ATP1A4: variants seen among roughly 807,000 people sequenced by gnomAD.
ATP1A4 encodes the protein ATPase Na+/K+ transporting subunit alpha 4, also known as sodium/potassium-transporting ATPase subunit alpha-4.
A neutral mutation model predicts 114.3 loss-of-function variants in ATP1A4; 90 were observed. That is an observed-to-expected ratio of 0.79 (90% confidence interval 0.66 to 0.94). The LOEUF (loss-of-function observed/expected upper bound fraction) is 0.94, where lower values mean the gene tolerates loss of function less well. Among genes scored for constraint, ATP1A4 ranks in the 40% least tolerant of loss-of-function variants. ATP1A4 has a pLI of 0.00. For missense variants in ATP1A4, 1,222 were observed against 1,313.6 expected (o/e 0.93, Z 1.08); for synonymous variants, 511 against 494.1 (o/e 1.03, Z -0.45).
chr1:160,172,645 C>A (rs1267982695), intron 12 of ATP1A4, among the ~76,000 whole-genome samples: 1 of 152,162 alleles, frequency 6.6e-6, no homozygotes, highest in Non-Finnish European at 1.5e-5. Context: ...AGACACCTTC[C>A]GTGCTCATAC....
chr1:160,156,867 G>T (rs1024635225), intron 4 of ATP1A4, among the ~76,000 whole-genome samples: 3 of 152,252 alleles, frequency 2.0e-5, no homozygotes, highest in East Asian at 1.9e-4. Flanking sequence ...AATCCCAACC[G>T]TTTGGGGGAC....
rs1191503524 is a variant in ATP1A4 at position 160,156,047 on chromosome 1, C to G, written c.414C>G (p.Leu138=). Residue 138 remains leucine, a splice_region_variant and synonymous_variant, in exon 4 of 22, where the codon CTC becomes CTG. Transcript: ENST00000368081. ...YFNEEPTKDN[L]YLSIVLSVVV... ...ACGCTTTCTTTCCCCACCCTCAGCT[C>G]TACCTGAGCATCGTACTGTCCGTCG... 3.7e-6 allele frequency: 6 copies of G among 1,604,880 alleles called. No individual in the cohort carries two copies. The Admixed American group carries it at 8.3e-5, about 22-fold the overall frequency.
chr1:160,157,116 A>C (rs1479163954), intron 4 of ATP1A4, among the ~76,000 whole-genome samples: 2 of 152,194 alleles, frequency 1.3e-5, no homozygotes, highest in Non-Finnish European at 2.9e-5. Context: ...GTGGCAACTA[A>C]ATGCAATATC....
At chr1:160,174,002 G>T in intron 13 of ATP1A4, 109 bp from the exon 14 acceptor site, 1 of 1,346,646 alleles carries the variant, frequency 7.4e-7, no homozygotes, top group Non-Finnish European at 1.0e-6. Flanking sequence ...GACAAGTGAG[G>T]AGACTAGGTT....
intron 20 of ATP1A4, chr1:160,183,454 G>A (rs914480505): frequency 2.0e-5 from 3 of 152,262 alleles, no homozygotes; most frequent in African/African-American, 7.2e-5. Flanking sequence ...TATTCTGTGT[G>A]TGTGTGTGTT....
rs542323609 is a variant in ATP1A4 at position 160,161,838 on chromosome 1, T to C, written c.778+2312T>C. On this transcript the variant is annotated intron_variant, in intron 6 of 21. Transcript: ENST00000368081. Reference sequence around the variant, plus strand: ...GAGTAGGACCCTGCTCTCAGACTCATACAGCTAAAGGCAACCTTAGAAAAC... The same window carrying C: ...GAGTAGGACCCTGCTCTCAGACTCACACAGCTAAAGGCAACCTTAGAAAAC... 7.9e-5 allele frequency among the ~76,000 whole-genome samples: 12 copies of C among 152,284 alleles called. No homozygotes were observed. The South Asian group carries it at 2.3e-3, about 29-fold the overall frequency.
At position 160,173,676 on chromosome 1, in the gene ATP1A4, C is replaced by T. The variant is rs747654515; in HGVS notation, c.1950C>T (p.Val650=). 1.2e-5 allele frequency: 20 copies of T among 1,613,986 alleles called. No homozygotes were observed. The highest frequency in any genetic ancestry group is 1.4e-5 in the Non-Finnish European group (17 of 1,180,016). Residue 650 remains valine, a synonymous_variant, in exon 13 of 22, where the codon GTC becomes GTT. Coordinates refer to ENST00000368081, the MANE Select transcript of ATP1A4 (RefSeq NM_144699.4). ...ISEGTETAEE[V]AARLKIPISK... ...AAGGCACTGAGACGGCAGAGGAAGT[C>T]GCTGCCCGGCTTAAGATCCCTATCA...
At chr1:160,167,592 C>T (rs138926502) in intron 10 of ATP1A4, among the ~76,000 whole-genome samples, 180 bp downstream of exon 10, 6 of 152,194 alleles carry the variant, frequency 3.9e-5, no homozygotes, top group East Asian at 3.9e-4. Flanking sequence ...TAAAGAGAGG[C>T]GAAACAGGTG....
In ATP1A4 at chr1:160,151,804, C is replaced by T. The variant is rs529208980; in HGVS notation, c.-237C>T. The T allele has an allele frequency of 7.5e-5, 35 of 469,134 alleles. No individual in the cohort carries two copies. The East Asian group carries it at 1.1e-3, about 15-fold the overall frequency. The allele number at this position is 469,134 out of a possible 1,614,324, so 29.1% of individuals were successfully genotyped here. A position where few individuals can be genotyped will look rare whatever the true frequency, so the allele number is the denominator to read the frequency against. ...TCTTCCCTCACTCCTGACTCTTCCTCTTCCCAGCGGACGGCTGGAGGACCG... is the reference window on the plus strand; with the variant it reads ...TCTTCCCTCACTCCTGACTCTTCCTTTTCCCAGCGGACGGCTGGAGGACCG... On this transcript the variant is annotated 5_prime_UTR_variant, in exon 1 of 22. Coordinates refer to ENST00000368081, the MANE Select transcript of ATP1A4 (RefSeq NM_144699.4).
At chr1:160,180,057 G>A (rs903681868) in intron 18 of ATP1A4, among the ~76,000 whole-genome samples, 7 of 152,148 alleles carry the variant, frequency 4.6e-5, no homozygotes, top group Non-Finnish European at 8.8e-5. Flanking sequence ...GTGAGACCAC[G>A]GCATTGGAAG....
chr1:160,173,678 C>T lies in ATP1A4; in HGVS notation c.1952C>T (p.Ala651Val), dbSNP rs1405928682. ...SEGTETAEEV[A>V]ARLKIPISKV... ...GGCACTGAGACGGCAGAGGAAGTCGCTGCCCGGCTTAAGATCCCTATCAGC... is the reference window on the plus strand; with the variant it reads ...GGCACTGAGACGGCAGAGGAAGTCGTTGCCCGGCTTAAGATCCCTATCAGC... The change falls in exon 13 of 22, where the codon GCT becomes GTT. Residue 651 changes from alanine (A) to valine (V), a missense_variant. Ala to Val is a moderately conservative substitution (Grantham distance 64, BLOSUM62 0). Coordinates refer to ENST00000368081, the MANE Select transcript of ATP1A4 (RefSeq NM_144699.4). 6.2e-7 allele frequency: 1 copy of T among 1,614,150 alleles called. No individual in the cohort carries two copies. The highest frequency in any genetic ancestry group is 2.2e-5 in the East Asian group (1 of 44,876).
At chr1:160,155,972 T>C in intron 3 of ATP1A4, 73 bp from the exon 4 acceptor site, 1 of 912,534 alleles carries the variant, frequency 1.1e-6, no homozygotes, top group Non-Finnish European at 1.8e-6. Flanking sequence ...CTGTGCCCCT[T>C]GCAGACTGAT....
At position 160,166,716 on chromosome 1, in the gene ATP1A4, A is replaced by G; in HGVS notation, c.1236A>G (p.Glu412=). Residue 412 remains glutamate (E), a synonymous_variant, in exon 8 of 22, where the codon GAA becomes GAG. Coordinates refer to ENST00000368081, the MANE Select transcript of ATP1A4 (RefSeq NM_144699.4). Reference sequence around the variant, plus strand: ...CCGTGTATGAGGCCGACACCACTGAAGAACAGACTGGTGACTAGTGGTATT... The same window carrying G: ...CCGTGTATGAGGCCGACACCACTGAGGAACAGACTGGTGACTAGTGGTATT... ...DMTVYEADTT[E]EQTGKTFTKS... is the part of the protein sequence containing the mutation. 1 of 1,614,230 alleles carries G rather than the reference A, an allele frequency of 6.2e-7. No homozygotes were observed. The highest frequency in any genetic ancestry group is 8.5e-7 in the Non-Finnish European group (1 of 1,180,042).
At chr1:160,154,568 T>C (rs1652567266) in intron 2 of ATP1A4, among the ~76,000 whole-genome samples, 1 of 152,200 alleles carries the variant, frequency 6.6e-6, no homozygotes, top group Non-Finnish European at 1.5e-5. Context: ...TTATTAACTA[T>C]AGTTGCCCTA....
chr1:160,174,399 C>T, intron 14 of ATP1A4, 138 bp downstream of exon 14: 4 of 1,431,276 alleles, frequency 2.8e-6, no homozygotes, highest in Non-Finnish European at 3.7e-6. Flanking sequence ...CCATGGTGGC[C>T]TTCAGTTTGG....
intron 13 of ATP1A4, 37 bp from the exon 14 acceptor site, chr1:160,174,074 C>T (rs1653362155): frequency 1.9e-6 from 3 of 1,606,698 alleles, no homozygotes; most frequent in Non-Finnish European, 2.6e-6. Flanking sequence ...GAATTCTCAA[C>T]ACTCAAAACT....
intron 17 of ATP1A4, among the ~76,000 whole-genome samples, chr1:160,176,960 T>G (rs972185083): frequency 2.0e-5 from 3 of 152,156 alleles, no homozygotes; most frequent in Non-Finnish European, 4.4e-5. Flanking sequence ...CTAGTAAGTG[T>G]ATGGTCAGGT....
At position 160,164,193 on chromosome 1, in the gene ATP1A4, C is replaced by T. The variant is rs147505669; in HGVS notation, c.816C>T (p.Ser272=). Residue 272 remains serine, a synonymous_variant, in exon 7 of 22, where the codon TCC becomes TCT. Transcript: ENST00000368081. ...GTATTGTGATTGCTACGGGAGACTC[C>T]ACAGTGATGGGCAGAATTGCCTCCC... The part of the protein sequence containing the change: ...ARGIVIATGD[S]TVMGRIASLT... The T allele has an allele frequency of 1.5e-4, 249 of 1,614,194 alleles. No individual in the cohort carries two copies. Among genetic ancestry groups the T allele is most frequent in the Middle Eastern group, 1.2e-3 (7 of 6,062 alleles).
chr1:160,182,021 T>C lies in ATP1A4; in HGVS notation c.2959T>C (p.Tyr987His). The change falls in exon 20 of 22, where the codon TAC becomes CAC. Residue 987 changes from tyrosine (Y) to histidine (H), a missense_variant. Physicochemically the swap from Tyr to His is moderately conservative, Grantham distance 83 (BLOSUM62 2). Coordinates refer to ENST00000368081, the MANE Select transcript of ATP1A4 (RefSeq NM_144699.4). The part of the protein sequence containing the change: ...TPGMDVALRM[Y>H]PLKITWWLCA... Reference sequence around the variant, plus strand: ...AGGCATGGACGTGGCCCTGCGAATGTACCCACTCAAGTGAGTAAGGGAAGG... The same window carrying C: ...AGGCATGGACGTGGCCCTGCGAATGCACCCACTCAAGTGAGTAAGGGAAGG... 1.2e-6 allele frequency: 2 copies of C among 1,613,640 alleles called. No individual in the cohort carries two copies. Among genetic ancestry groups the C allele is most frequent in the South Asian group, 1.1e-5 (1 of 91,070 alleles).
Sources: allele counts gnomAD v4.1 joint callset (sites outside exome capture counted in the v4.1 genomes callset), GRCh38; gene constraint gnomAD v4.1.1; transcripts MANE v1.5; gene names NCBI Gene and HGNC (gene_info 2026-07-23, HGNC 2026-07-21).